Variants in KCNH7 observed in about 807,000 individuals in gnomAD.
The protein encoded by KCNH7 is voltage-gated inwardly rectifying potassium channel KCNH7.
Under a neutral mutation model 120.8 loss-of-function variants are expected in KCNH7, and 49 were observed. The ratio of observed to expected loss-of-function variants is 0.41; its 90% confidence interval spans 0.32 to 0.51. KCNH7 has a LOEUF of 0.51. Among genes scored for constraint, KCNH7 ranks in the 20% least tolerant of loss-of-function variants. KCNH7 has a pLI of 0.38. For missense variants in KCNH7, 1,097 were observed against 1,446.6 expected, an observed-to-expected ratio of 0.76 and a Z score of 3.92; for synonymous variants, 547 against 516.1, an observed-to-expected ratio of 1.06 and a Z score of -0.81.
chr2:162,489,987 T>C (rs12052786), intron 6 of KCNH7, among the ~76,000 whole-genome samples: 3,081 of 152,338 alleles, frequency 0.02, 109 homozygotes, highest in East Asian at 0.1. Flanking sequence ...TATAGTTTTA[T>C]TGAGGTTTAT....
chr2:162,666,520 T>C (rs1198995132), intron 2 of KCNH7, among the ~76,000 whole-genome samples: 1 of 152,130 alleles, frequency 6.6e-6, no homozygotes, highest in Non-Finnish European at 1.5e-5. Flanking sequence ...GAGACTATTG[T>C]TCCCCTGCTA....
intron 2 of KCNH7, among the ~76,000 whole-genome samples, chr2:162,730,581 A>T (rs1337120122): frequency 6.6e-6 from 1 of 152,074 alleles, no homozygotes; most frequent in East Asian, 1.9e-4. Context: ...TGGAAGTAAC[A>T]GGTTAAAAAC....
At chr2:162,574,850 T>C (rs967873639) in intron 2 of KCNH7, among the ~76,000 whole-genome samples, 8 of 152,118 alleles carry the variant, frequency 5.3e-5, no homozygotes, top group African/African-American at 1.9e-4. Context: ...TACACAGTAT[T>C]ATCAGGTTGT....
At chr2:162,444,931 A>AT (rs1416522928) in intron 7 of KCNH7, among the ~76,000 whole-genome samples, 19 of 151,984 alleles carry the variant, frequency 1.3e-4, no homozygotes, top group African/African-American at 4.3e-4. Context: ...GAAAAAAAAA[A>AT]GCAAGAGGAG....
intron 2 of KCNH7, among the ~76,000 whole-genome samples, chr2:162,626,638 T>C (rs773443315): frequency 1.2e-4 from 18 of 152,168 alleles, no homozygotes; most frequent in Non-Finnish European, 2.1e-4. Flanking sequence ...ATCCGAATTG[T>C]AGGCTAGCAG....
intron 2 of KCNH7, among the ~76,000 whole-genome samples, chr2:162,784,226 G>A (rs145102264): frequency 1.1e-3 from 163 of 152,196 alleles, no homozygotes; most frequent in African/African-American, 3.6e-3. Context: ...GATTTATTGA[G>A]CTGATGTATG....
At chr2:162,803,744 A>G (rs962086168) in intron 2 of KCNH7, among the ~76,000 whole-genome samples, 2 of 151,788 alleles carry the variant, frequency 1.3e-5, no homozygotes, top group Non-Finnish European at 3.0e-5. Context: ...AATATTTAGC[A>G]TAAAAAAGGA....
chr2:162,697,115 T>C (rs537490615), intron 2 of KCNH7, among the ~76,000 whole-genome samples: 1 of 152,252 alleles, frequency 6.6e-6, no homozygotes, highest in South Asian at 2.1e-4. Flanking sequence ...TAGGTCTAGG[T>C]ATTGAGCACC....
At chr2:162,503,538 A>G (rs1373899193) in intron 6 of KCNH7, among the ~76,000 whole-genome samples, 3 of 152,066 alleles carry the variant, frequency 2.0e-5, no homozygotes, top group Non-Finnish European at 4.4e-5. Context: ...TGGTCTTTTC[A>G]TAGCTATTTC....
chr2:162,526,368 G>A (rs1316438704), intron 3 of KCNH7, among the ~76,000 whole-genome samples: 1 of 151,942 alleles, frequency 6.6e-6, no homozygotes, highest in Non-Finnish European at 1.5e-5. Flanking sequence ...TTTGAGAGCA[G>A]ACAACTGGTC....
chr2:162,819,083 G>C (rs1284185008), intron 2 of KCNH7, among the ~76,000 whole-genome samples: 1 of 152,116 alleles, frequency 6.6e-6, no homozygotes, highest in African/African-American at 2.4e-5. Context: ...AAGTAATCCA[G>C]ATTAAAGGAG....
rs773712466 is a variant in KCNH7 at position 162,504,664 on chromosome 2, A to G, written c.914-7T>C. Reference sequence around the variant, plus strand: ...TTGATATGATTAAAAGGCCCTAAAAAAATGGAAAGTATTTGTAAGAGTAAT... The same window carrying G: ...TTGATATGATTAAAAGGCCCTAAAAGAATGGAAAGTATTTGTAAGAGTAAT... On this transcript the variant is annotated splice_polypyrimidine_tract_variant and splice_region_variant and intron_variant, in intron 5 of 15. Coordinates refer to ENST00000332142, the MANE Select transcript of KCNH7 (RefSeq NM_033272.4). The G allele has an allele frequency of 1.3e-6, 2 of 1,572,354 alleles. No individual in the cohort carries two copies. Among genetic ancestry groups the G allele is most frequent in the Non-Finnish European group, 1.7e-6 (2 of 1,143,604 alleles).
chr2:162,476,727 G>A (rs1370853537), intron 6 of KCNH7, among the ~76,000 whole-genome samples: 2 of 152,052 alleles, frequency 1.3e-5, no homozygotes, highest in African/African-American at 2.4e-5. Context: ...AAATAATAAT[G>A]GCAGAAAACA....
chr2:162,703,989 T>G (rs935918277), intron 2 of KCNH7, among the ~76,000 whole-genome samples: 1 of 152,114 alleles, frequency 6.6e-6, no homozygotes, highest in African/African-American at 2.4e-5. Context: ...TTTTTTTTAC[T>G]AACATAAAAA....
intron 2 of KCNH7, among the ~76,000 whole-genome samples, chr2:162,726,625 G>T (rs1460219800): frequency 1.3e-5 from 2 of 152,040 alleles, no homozygotes; most frequent in Non-Finnish European, 2.9e-5. Context: ...TCACCGTGTT[G>T]GCCAGTCTGG....
intron 2 of KCNH7, among the ~76,000 whole-genome samples, chr2:162,553,097 A>T (rs946277075): frequency 6.6e-6 from 1 of 152,246 alleles, no homozygotes; most frequent in African/African-American, 2.4e-5. Flanking sequence ...GACATTTTAC[A>T]AAAGTCCAGG....
chr2:162,651,215 A>C (rs762249191), intron 2 of KCNH7, among the ~76,000 whole-genome samples: 1 of 152,196 alleles, frequency 6.6e-6, no homozygotes, highest in African/African-American at 2.4e-5. Flanking sequence ...GATTTAAAAA[A>C]TAAAACTTTT....
At chr2:162,468,118 C>G in intron 6 of KCNH7, among the ~76,000 whole-genome samples, 1 of 152,134 alleles carries the variant, frequency 6.6e-6, no homozygotes, top group East Asian at 1.9e-4. Flanking sequence ...TCTTTGTCCT[C>G]TCCATCTGGG....
At chr2:162,392,426 A>G (rs1332437994) in intron 12 of KCNH7, among the ~76,000 whole-genome samples, 1 of 151,942 alleles carries the variant, frequency 6.6e-6, no homozygotes, top group Non-Finnish European at 1.5e-5. Context: ...AGCAAGATAA[A>G]GCTAGTAGAT....
Sources: allele counts gnomAD v4.1 joint callset (sites outside exome capture counted in the v4.1 genomes callset), GRCh38; gene constraint gnomAD v4.1.1; transcripts MANE v1.5; gene names NCBI Gene and HGNC (gene_info 2026-07-23, HGNC 2026-07-21).